Variants in PARP14 observed in about 807,000 individuals in gnomAD.
The protein encoded by PARP14 is protein mono-ADP-ribosyltransferase PARP14.
A neutral mutation model predicts 154.2 loss-of-function variants in PARP14; 59 were observed. The observed-to-expected ratio is 0.38, with a 90% confidence interval of 0.31 to 0.48. The LOEUF is 0.48. PARP14 is among the 20% of genes least tolerant of loss of function. The pLI is 0.98. For synonymous variants in PARP14, 720 were observed against 780.5 expected (o/e 0.92, Z 1.29); for missense variants, 1,734 against 2,131.6 (o/e 0.81, Z 3.67).
At chr3:122,722,145 G>C (rs140683110) in intron 15 of PARP14, 2 of 152,238 alleles carry the variant, frequency 1.3e-5, no homozygotes, top group East Asian at 3.9e-4. Flanking sequence ...GATTTCTCTT[G>C]TGGATCAAGT....
intron 15 of PARP14, among the ~76,000 whole-genome samples, chr3:122,724,057 C>A (rs915250082): frequency 1.2e-4 from 19 of 152,128 alleles, no homozygotes; most frequent in Non-Finnish European, 2.4e-4. Context: ...CTTTTAATGA[C>A]CCCATTAATC....
At chr3:122,694,177 A>T (rs1560054198) in intron 4 of PARP14, among the ~76,000 whole-genome samples, 1 of 152,232 alleles carries the variant, frequency 6.6e-6, no homozygotes, top group East Asian at 1.9e-4. Context: ...GTGAACAAAA[A>T]GCTGTGGGAA....
chr3:122,691,544 C>T (rs1403027612), intron 3 of PARP14, among the ~76,000 whole-genome samples: 1 of 152,182 alleles, frequency 6.6e-6, no homozygotes, highest in Non-Finnish European at 1.5e-5. Flanking sequence ...GGGAACTTAA[C>T]TATTTTTTGG....
At chr3:122,693,153 C>T (rs1299583848) in intron 4 of PARP14, among the ~76,000 whole-genome samples, 4 of 152,222 alleles carry the variant, frequency 2.6e-5, no homozygotes, top group African/African-American at 4.8e-5. Flanking sequence ...TACACCTGTC[C>T]TCTTACCTCT....
At chr3:122,691,822 G>T (rs1050451673) in intron 3 of PARP14, among the ~76,000 whole-genome samples, 7 of 151,990 alleles carry the variant, frequency 4.6e-5, no homozygotes, top group African/African-American at 1.7e-4. Context: ...GCAGAAAAGG[G>T]TATAATAAAA....
chr3:122,715,595 C>CATCCATCTATCTATCT (rs1932973597), intron 12 of PARP14, among the ~76,000 whole-genome samples: 1 of 142,468 alleles, frequency 7.0e-6, no homozygotes, highest in East Asian at 2.1e-4. Flanking sequence ...CTCTACCAGT[C>CATCCATCTATCTATCT]ATCTATCTAT....
chr3:122,726,150 A>G (rs901387179), intron 15 of PARP14, among the ~76,000 whole-genome samples: 13 of 152,178 alleles, frequency 8.5e-5, no homozygotes, highest in African/African-American at 2.7e-4. Context: ...ATTTGTTTAT[A>G]TTTATTTATA....
At chr3:122,689,038 A>G (rs1195589204) in intron 3 of PARP14, among the ~76,000 whole-genome samples, 2 of 152,184 alleles carry the variant, frequency 1.3e-5, no homozygotes, top group Non-Finnish European at 2.9e-5. Context: ...CAAGGGCAAG[A>G]GCAGAGAAAT....
At chr3:122,696,769 C>T (rs964687719) in intron 5 of PARP14, among the ~76,000 whole-genome samples, 3 of 152,096 alleles carry the variant, frequency 2.0e-5, no homozygotes, top group African/African-American at 7.2e-5. Flanking sequence ...TATTTTCTGC[C>T]AGAGCTATTC....
chr3:122,704,945 T>C (rs1939105954), intron 8 of PARP14, among the ~76,000 whole-genome samples, 197 bp downstream of exon 8: 1 of 152,238 alleles, frequency 6.6e-6, no homozygotes, highest in Non-Finnish European at 1.5e-5. Flanking sequence ...TTTAACTTCC[T>C]ATTCAGGAAA....
At chr3:122,719,805 A>T (rs1933111689) in intron 14 of PARP14, among the ~76,000 whole-genome samples, 1 of 152,230 alleles carries the variant, frequency 6.6e-6, no homozygotes, top group African/African-American at 2.4e-5. Flanking sequence ...GAAAAAATAG[A>T]TGTAGAGTGC....
chr3:122,681,589 A>T lies in PARP14; in HGVS notation c.187+519A>T, dbSNP rs1938206968. ...CTAAAATCACACTGCCTGAATGTCAACGTAGAGCCGTCACAGCGGCCACAT... is the reference window on the plus strand; with the variant it reads ...CTAAAATCACACTGCCTGAATGTCATCGTAGAGCCGTCACAGCGGCCACAT... On this transcript the variant is annotated intron_variant, in intron 1 of 16. Coordinates refer to ENST00000474629, the MANE Select transcript of PARP14 (RefSeq NM_017554.3). This position sits in a 1 kb window ranked among gnomAD's most constrained non-coding sequence, Gnocchi z 5.5. Among the ~76,000 whole-genome samples, 1 of 152,076 alleles carries T rather than the reference A, an allele frequency of 6.6e-6. No homozygotes were observed. The highest frequency in any genetic ancestry group is 2.4e-5 in the African/African-American group (1 of 41,402).
chr3:122,685,728 T>A (rs1320430726), intron 2 of PARP14, among the ~76,000 whole-genome samples: 6 of 152,132 alleles, frequency 3.9e-5, no homozygotes, highest in Admixed American at 2.0e-4. Context: ...CAGGCTGGTA[T>A]CAAACTCCTG....
At chr3:122,696,347 A>C (rs1386025702) in intron 5 of PARP14, among the ~76,000 whole-genome samples, 1 of 152,228 alleles carries the variant, frequency 6.6e-6, no homozygotes, top group Non-Finnish European at 1.5e-5. Context: ...GGGATTAATC[A>C]GGGTGGGGCA....
intron 15 of PARP14, chr3:122,721,871 T>G (rs975310774): frequency 6.6e-6 from 1 of 152,308 alleles, no homozygotes; most frequent in South Asian, 2.1e-4. Context: ...TACAAAGATA[T>G]AAACTATACC....
intron 9 of PARP14, among the ~76,000 whole-genome samples, chr3:122,709,898 T>TG (rs1189763674): frequency 1.2e-4 from 18 of 149,932 alleles, no homozygotes; most frequent in East Asian, 3.9e-4. Flanking sequence ...ATTTGTTTTT[T>TG]TTTTTGTTTG....
chr3:122,725,274 G>T (rs893613514), intron 15 of PARP14, among the ~76,000 whole-genome samples: 2 of 151,558 alleles, frequency 1.3e-5, no homozygotes. Context: ...GCCGGGCAGA[G>T]GCACTCCTCA....
chr3:122,710,096 C>T (rs933347530), intron 9 of PARP14, among the ~76,000 whole-genome samples: 2 of 151,928 alleles, frequency 1.3e-5, no homozygotes, highest in African/African-American at 4.8e-5. Flanking sequence ...GTTTTTGTTG[C>T]ATTTGCTTTT....
chr3:122,680,882 G>A lies in PARP14; in HGVS notation c.-2G>A, dbSNP rs71329297. The A allele has an allele frequency of 4.4e-6, 7 of 1,600,790 alleles. No individual in the cohort carries two copies. The highest frequency in any genetic ancestry group is 6.0e-6 in the Non-Finnish European group (7 of 1,174,106). On this transcript the variant is annotated 5_prime_UTR_variant, in exon 1 of 17. Coordinates refer to ENST00000474629, the MANE Select transcript of PARP14 (RefSeq NM_017554.3). ...GCAGTCCGGCGGAGAGCGGAGCTGAGGATGGCTGTGCCCGGCTCCTTCCCG... is the reference window on the plus strand; with the variant it reads ...GCAGTCCGGCGGAGAGCGGAGCTGAAGATGGCTGTGCCCGGCTCCTTCCCG...
Sources: allele counts gnomAD v4.1 joint callset (sites outside exome capture counted in the v4.1 genomes callset), GRCh38; gene constraint gnomAD v4.1.1; non-coding constraint Gnocchi (gnomAD v3.1); transcripts MANE v1.5; gene names NCBI Gene and HGNC (gene_info 2026-07-23, HGNC 2026-07-21).